Variants in UGT2A3 observed in about 807,000 individuals in gnomAD.
UGT2A3 encodes the protein UDP-glucuronosyltransferase 2A3.
A neutral mutation model predicts 44.1 loss-of-function variants in UGT2A3; 55 were observed. The ratio of observed to expected loss-of-function variants is 1.25; its 90% CI spans 1.00 to 1.56. UGT2A3 has a LOEUF of 1.56. Ranked by LOEUF, UGT2A3 falls within the 40% of genes most tolerant of loss-of-function variation. The pLI is 0.00. For missense variants in UGT2A3, 733 were observed against 621.6 expected (o/e 1.18, Z -1.91); for synonymous variants, 243 against 215.1 (o/e 1.13, Z -1.13).
At chr4:68,931,738 T>A (rs2109776844) in intron 3 of UGT2A3, among the ~76,000 whole-genome samples, 1 of 152,096 alleles carries the variant, frequency 6.6e-6, no homozygotes, top group African/African-American at 2.4e-5. Context: ...TATATTTAAT[T>A]GTTTTATTGA....
At chr4:68,943,461 C>T (rs1460334629) in intron 2 of UGT2A3, 10 of 518,246 alleles carry the variant, frequency 1.9e-5, no homozygotes, top group Admixed American at 5.0e-5. Flanking sequence ...AATAATTTTT[C>T]TGGAAATCCT....
intron 1 of UGT2A3, among the ~76,000 whole-genome samples, chr4:68,948,516 C>T (rs1207248531): frequency 3.6e-5 from 5 of 139,368 alleles, no homozygotes; most frequent in Non-Finnish European, 7.6e-5. Flanking sequence ...TCATAGCTCA[C>T]TGCAGCCTTG....
In UGT2A3 at chr4:68,931,258, A is replaced by T. The variant is rs755668736; in HGVS notation, c.997-16T>A. On this transcript the variant is annotated splice_polypyrimidine_tract_variant and intron_variant, in intron 3 of 5. Coordinates refer to ENST00000251566, the MANE Select transcript of UGT2A3 (RefSeq NM_024743.4). ...TCCATAACACCTACGGAAGAAACAC[A>T]TGTATTTCACAGAGTGAACCACAGG... The T allele has an allele frequency of 6.2e-7, 1 of 1,600,472 alleles. No individual in the cohort carries two copies. Among genetic ancestry groups the T allele is most frequent in the Non-Finnish European group, 8.6e-7 (1 of 1,168,722 alleles).
At chr4:68,934,874 T>C (rs1016608902) in intron 2 of UGT2A3, among the ~76,000 whole-genome samples, 6 of 151,328 alleles carry the variant, frequency 4.0e-5, no homozygotes, top group Non-Finnish European at 8.8e-5. Context: ...ATCTCTAAAA[T>C]CTTAAGGATT....
Position 68,951,293 on chromosome 4 carries a change from G to T in UGT2A3, c.468C>A (p.Asp156Glu). The T allele has an allele frequency of 6.2e-7, 1 of 1,612,132 alleles. No homozygotes were observed. Among genetic ancestry groups the T allele is most frequent in the African/African-American group, 1.3e-5 (1 of 74,902 alleles). Residue 156 changes from aspartate (D) to glutamate (E), a missense_variant, in exon 1 of 6, where the codon GAC becomes GAA. Asp to Glu is a conservative substitution (Grantham distance 45). Transcript: ENST00000251566. ...GGACTGCAAGCAACTCAGCCATCAG[G>T]TCTCCACAGGGAATCACAGGGTCTA... ...MLIDPVIPCG[D>E]LMAELLAVPF...
rs1221022759 is a variant in UGT2A3, at chr4:68,951,558, T to C, written c.203A>G (p.Lys68Arg). 2 of 1,613,116 alleles carry C rather than the reference T, an allele frequency of 1.2e-6. No individual in the cohort carries two copies. The highest frequency in any genetic ancestry group is 1.7e-6 in the Non-Finnish European group (2 of 1,179,480). The change falls in exon 1 of 6, where the codon AAG becomes AGG. Residue 68 changes from lysine (K) to arginine (R), a missense_variant. Coordinates refer to ENST00000251566, the MANE Select transcript of UGT2A3 (RefSeq NM_024743.4). ...HSKPSLIDYR[K>R]PSALKFEVVH... ...CACCTCAAATTTCAATGCAGAAGGCTTCCTGTAGTCAATTAACGAAGGCTT... is the reference window on the plus strand; with the variant it reads ...CACCTCAAATTTCAATGCAGAAGGCCTCCTGTAGTCAATTAACGAAGGCTT...
rs532000273 is a variant in UGT2A3 at position 68,948,561 on chromosome 4, C to A, written c.715+2485G>T. Among the ~76,000 whole-genome samples the A allele has an allele frequency of 2.0e-5, 3 of 150,770 alleles. No homozygotes were observed. In the Admixed American group the frequency reaches 2.0e-4, roughly 10 times the overall value. On this transcript the variant is annotated intron_variant, in intron 1 of 5. Coordinates refer to ENST00000251566, the MANE Select transcript of UGT2A3 (RefSeq NM_024743.4). Reference sequence around the variant, plus strand: ...CTTCTGGGCTCAAGCCGTTCTCCCACCTGAGCCTCCCAAGTTACTGGGATT... The same window carrying A: ...CTTCTGGGCTCAAGCCGTTCTCCCAACTGAGCCTCCCAAGTTACTGGGATT...
intron 2 of UGT2A3, among the ~76,000 whole-genome samples, chr4:68,942,219 C>T (rs1718213103): frequency 6.6e-6 from 1 of 150,696 alleles, no homozygotes; most frequent in Non-Finnish European, 1.5e-5. Context: ...ATGAATCAAC[C>T]TAAACATCCA....
At chr4:68,947,422 A>G (rs1171248704) in intron 1 of UGT2A3, among the ~76,000 whole-genome samples, 2 of 151,714 alleles carry the variant, frequency 1.3e-5, no homozygotes, top group African/African-American at 4.8e-5. Context: ...AGGCCCACTT[A>G]TAATTCTATT....
chr4:68,951,247 T>G lies in UGT2A3; in HGVS notation c.514A>C (p.Ile172Leu), dbSNP rs748944619. ...LAVPFVLTLR[I>L]SVGGNMERSC... ...CGCTCCATATTGCCTCCTACAGAAA[T>G]TCTAAGTGTGAGCACAAAAGGGACT... The change falls in exon 1 of 6, where the codon ATT (isoleucine) becomes CTT (leucine). Residue 172 changes from isoleucine to leucine, a missense_variant. Physicochemically the swap from Ile to Leu is conservative, Grantham distance 5 (BLOSUM62 2). Coordinates refer to ENST00000251566, the MANE Select transcript of UGT2A3 (RefSeq NM_024743.4). 34 of 1,611,408 alleles carry G rather than the reference T, an allele frequency of 2.1e-5. No homozygotes were observed. The African/African-American group carries it at 4.0e-4, about 19-fold the overall frequency.
At chr4:68,933,639 C>A (rs1230957459) in intron 2 of UGT2A3, among the ~76,000 whole-genome samples, 3 of 152,172 alleles carry the variant, frequency 2.0e-5, no homozygotes, top group Middle Eastern at 3.4e-3. Flanking sequence ...AGGCTAGAAT[C>A]TTTGGTTAGA....
intron 1 of UGT2A3, among the ~76,000 whole-genome samples, chr4:68,946,137 T>C (rs1718376706): frequency 6.6e-6 from 1 of 151,694 alleles, no homozygotes; most frequent in Non-Finnish European, 1.5e-5. Flanking sequence ...TCAAATGATG[T>C]GTTTTGAAGG....
intron 2 of UGT2A3, among the ~76,000 whole-genome samples, chr4:68,935,638 G>A (rs1717922249): frequency 6.6e-6 from 1 of 151,966 alleles, no homozygotes; most frequent in South Asian, 2.1e-4. Context: ...GTTCTAAAAA[G>A]CAGAGCGCCA....
At chr4:68,941,304 T>C (rs1718177762) in intron 2 of UGT2A3, among the ~76,000 whole-genome samples, 1 of 151,842 alleles carries the variant, frequency 6.6e-6, no homozygotes, top group Non-Finnish European at 1.5e-5. Flanking sequence ...TTTGCTAGTC[T>C]CATGTGTTCC....
chr4:68,942,856 A>T (rs1174453843), intron 2 of UGT2A3, among the ~76,000 whole-genome samples: 1 of 151,626 alleles, frequency 6.6e-6, no homozygotes, highest in Non-Finnish European at 1.5e-5. Context: ...GGGTAACTAT[A>T]GTTAATAGTA....
At chr4:68,948,609 A>G (rs7441753) in intron 1 of UGT2A3, among the ~76,000 whole-genome samples, 110,506 of 151,290 alleles carry the variant, frequency 0.73, 41,965 homozygotes, top group Non-Finnish European at 0.86. Flanking sequence ...CACTGCAGCT[A>G]GCTAGCTAAT....
chr4:68,938,459 A>C (rs947304490), intron 2 of UGT2A3, among the ~76,000 whole-genome samples: 2 of 151,918 alleles, frequency 1.3e-5, no homozygotes, highest in African/African-American at 2.4e-5. Flanking sequence ...GAAAACCACG[A>C]TTATATCAAT....
chr4:68,951,386 A>T lies in UGT2A3; in HGVS notation c.375T>A (p.Cys125Ter). The T allele has an allele frequency of 6.2e-7, 1 of 1,612,444 alleles. No homozygotes were observed. Among genetic ancestry groups the T allele is most frequent in the Non-Finnish European group, 8.5e-7 (1 of 1,179,224 alleles). Residue 125 changes from cysteine to a stop codon, truncating the protein, a stop_gained, in exon 1 of 6, where the codon TGT (cysteine) becomes TGA (stop). Transcript: ENST00000251566. LOFTEE classifies it high-confidence loss of function. ...GCGTCTGATTGTAGATAAAGCTCTC[A>T]CACATCATTTTTAAAGTTCCTCTTA... is the stretch of plus-strand genomic sequence containing the variant. Reference protein sequence around the residue: ...VEIRGTLKMMCESFIYNQTLM... With the variant: ...VEIRGTLKMM
intron 2 of UGT2A3, among the ~76,000 whole-genome samples, chr4:68,939,403 T>TA (rs1718094508): frequency 6.6e-6 from 1 of 151,934 alleles, no homozygotes; most frequent in South Asian, 2.1e-4. Context: ...TACACATCTC[T>TA]AACCATGTGA....
Sources: gnomAD v4.1 joint callset for allele counts (sites outside exome capture counted in the v4.1 genomes callset) on GRCh38, gnomAD v4.1.1 for gene constraint, MANE v1.5 for transcripts, NCBI Gene and HGNC (gene_info 2026-07-23, HGNC 2026-07-21) for gene names.